The following LRMDA variants were observed in gnomAD, a reference collection of about 807,000 sequenced individuals.
LRMDA encodes the protein leucine rich melanocyte differentiation associated, also known as leucine-rich melanocyte differentiation-associated protein.
Under a neutral mutation model 29.8 loss-of-function variants are expected in LRMDA, and 18 were observed. The ratio of observed to expected loss-of-function variants is 0.60; its 90% CI spans 0.42 to 0.90. The LOEUF (loss-of-function observed/expected upper bound fraction) is 0.90. Ranked by LOEUF, LRMDA falls within the 40% of genes least tolerant of loss-of-function variation. The pLI is 0.00. For synonymous variants in LRMDA, 125 were observed against 109.4 expected, an observed-to-expected ratio of 1.14 and a Z score of -0.89; for missense variants, 273 against 273.9, an observed-to-expected ratio of 1.00 and a Z score of 0.02.
intron 5 of LRMDA, among the ~76,000 whole-genome samples, chr10:76,090,945 A>G (rs568319070): frequency 2.0e-3 from 312 of 152,304 alleles, no homozygotes; most frequent in African/African-American, 7.3e-3. Context: ...ATTTACCACT[A>G]CTGAGCTATA....
intron 2 of LRMDA, among the ~76,000 whole-genome samples, chr10:75,923,959 C>G (rs1005329542): frequency 1.3e-5 from 2 of 152,168 alleles, no homozygotes; most frequent in Non-Finnish European, 1.5e-5. Context: ...GTCCCTTATT[C>G]ATTTCCTCGG....
chr10:76,099,649 C>A (rs953360999), intron 5 of LRMDA, among the ~76,000 whole-genome samples: 3 of 151,852 alleles, frequency 2.0e-5, no homozygotes, highest in African/African-American at 7.3e-5. Flanking sequence ...TACCTGTGTT[C>A]TTTAGACTTT....
At chr10:76,329,899 A>G (rs1252095168) in intron 6 of LRMDA, among the ~76,000 whole-genome samples, 4 of 152,248 alleles carry the variant, frequency 2.6e-5, no homozygotes, top group African/African-American at 9.6e-5. Flanking sequence ...ATACGTTTCC[A>G]CAGAAGACAT....
intron 6 of LRMDA, among the ~76,000 whole-genome samples, chr10:76,454,546 A>G (rs1564546197): frequency 6.6e-6 from 1 of 152,174 alleles, no homozygotes; most frequent in Non-Finnish European, 1.5e-5. Flanking sequence ...TAAAGAAAAA[A>G]AATGACCCAG....
intron 5 of LRMDA, among the ~76,000 whole-genome samples, chr10:76,103,612 C>A (rs1484452060): frequency 6.6e-6 from 1 of 152,198 alleles, no homozygotes. Context: ...GTAATGTATT[C>A]ATAAATTCAA....
At chr10:76,275,760 G>C (rs1294862270) in intron 5 of LRMDA, among the ~76,000 whole-genome samples, 1 of 152,070 alleles carries the variant, frequency 6.6e-6, no homozygotes, top group Admixed American at 6.6e-5. Flanking sequence ...TTTTGCAGTA[G>C]ATTTGGTGAG....
intron 2 of LRMDA, among the ~76,000 whole-genome samples, chr10:75,923,843 G>C (rs928663766): frequency 6.6e-6 from 1 of 152,030 alleles, no homozygotes; most frequent in Admixed American, 6.6e-5. Flanking sequence ...CCTTGCATTG[G>C]AGTAAGTCTC....
At position 75,575,539 on chromosome 10, in the gene LRMDA, A is replaced by G. The variant is rs148133263; in HGVS notation, c.131+137045A>G. On this transcript the variant is annotated intron_variant, in intron 2 of 6. Coordinates refer to ENST00000611255, the MANE Select transcript of LRMDA (RefSeq NM_001305581.2). ...GAAAGGGGCTGCAGGCCCCAGTGCA[A>G]GTTTGAAACACAGAAGGGCAGTCAT... Among the ~76,000 whole-genome samples, 6 of 152,352 alleles carry G rather than the reference A, an allele frequency of 3.9e-5. No individual in the cohort carries two copies. The East Asian group carries it at 1.2e-3, about 29-fold the overall frequency.
At chr10:76,180,704 C>G (rs767068915) in intron 5 of LRMDA, among the ~76,000 whole-genome samples, 3 of 152,134 alleles carry the variant, frequency 2.0e-5, no homozygotes, top group African/African-American at 7.2e-5. Context: ...TCCCCTTTAC[C>G]CCTGGTTCCA....
intron 2 of LRMDA, among the ~76,000 whole-genome samples, chr10:75,521,201 A>T (rs186261185): frequency 1.3e-5 from 2 of 152,326 alleles, no homozygotes; most frequent in African/African-American, 4.8e-5. Flanking sequence ...CCATTCTCAG[A>T]GCTCAAACGC....
At chr10:75,939,861 G>A (rs1317819406) in intron 2 of LRMDA, among the ~76,000 whole-genome samples, 1 of 152,138 alleles carries the variant, frequency 6.6e-6, no homozygotes, top group African/African-American at 2.4e-5. Context: ...TGGGAGAAGA[G>A]CCTTCCCTGG....
At position 76,245,393 on chromosome 10, in the gene LRMDA, G is replaced by C. The variant is rs115752798; in HGVS notation, c.517-79008G>C. On this transcript the variant is annotated intron_variant, in intron 5 of 6. Coordinates refer to ENST00000611255, the MANE Select transcript of LRMDA (RefSeq NM_001305581.2). ...CATGGCCCTGTTATAAGGTAGTGGTGTTTGTTTTTGGGACATTAGCCCTCT... is the reference window on the plus strand; with the variant it reads ...CATGGCCCTGTTATAAGGTAGTGGTCTTTGTTTTTGGGACATTAGCCCTCT... Among the ~76,000 whole-genome samples the C allele has an allele frequency of 7.3e-3, 1,111 of 152,238 alleles. 8 individuals carry two copies. The highest frequency in any genetic ancestry group is 0.024 in the African/African-American group (1,015 of 41,544).
intron 2 of LRMDA, among the ~76,000 whole-genome samples, chr10:75,456,095 T>G (rs565371527): frequency 6.6e-6 from 1 of 152,318 alleles, no homozygotes; most frequent in East Asian, 1.9e-4. Context: ...GCCAGCCAAG[T>G]AAGGACTCAA....
At chr10:75,725,785 G>A (rs1392852178) in intron 2 of LRMDA, among the ~76,000 whole-genome samples, 3 of 152,166 alleles carry the variant, frequency 2.0e-5, no homozygotes, top group Non-Finnish European at 4.4e-5. Context: ...TCATTTCCAA[G>A]GACTGTATCT....
chr10:76,246,263 G>A lies in LRMDA; in HGVS notation c.517-78138G>A, dbSNP rs143950037. 1.2e-3 allele frequency among the ~76,000 whole-genome samples: 176 copies of A among 152,222 alleles called. 1 individual carries two copies. The highest frequency in any genetic ancestry group is 0.01 in the Middle Eastern group (3 of 292). On this transcript the variant is annotated intron_variant, in intron 5 of 6. Transcript: ENST00000611255. ...GAGTTTGGTCTGAAATGGTCCTGGCGGACTGAAGGGAGGAAATGAAACTCA... is the reference window on the plus strand; with the variant it reads ...GAGTTTGGTCTGAAATGGTCCTGGCAGACTGAAGGGAGGAAATGAAACTCA...
chr10:76,274,227 T>G (rs531996216), intron 5 of LRMDA, among the ~76,000 whole-genome samples: 1 of 152,204 alleles, frequency 6.6e-6, no homozygotes, highest in East Asian at 1.9e-4. Context: ...GAAGTATACT[T>G]GCCCATATTT....
intron 2 of LRMDA, among the ~76,000 whole-genome samples, chr10:75,658,452 G>T (rs958579019): frequency 6.6e-6 from 1 of 152,044 alleles, no homozygotes; most frequent in Admixed American, 6.6e-5. Flanking sequence ...AATAGCAAAA[G>T]GTTTCTTTTT....
chr10:76,098,678 C>A (rs1235490364), intron 5 of LRMDA, among the ~76,000 whole-genome samples: 1 of 152,104 alleles, frequency 6.6e-6, no homozygotes, highest in Non-Finnish European at 1.5e-5. Context: ...GCAGGTTCAC[C>A]TTACCTGTTG....
chr10:76,359,053 T>C (rs1841277605), intron 6 of LRMDA, among the ~76,000 whole-genome samples: 1 of 152,032 alleles, frequency 6.6e-6, no homozygotes, highest in Non-Finnish European at 1.5e-5. Context: ...TCCCAGCCCA[T>C]CCACTAGGGC....
Sources: gnomAD v4.1 joint callset for allele counts (sites outside exome capture counted in the v4.1 genomes callset) on GRCh38, gnomAD v4.1.1 for gene constraint, MANE v1.5 for transcripts, NCBI Gene and HGNC (gene_info 2026-07-23, HGNC 2026-07-21) for gene names.